Variants in CDH8 observed in about 807,000 individuals in gnomAD.
The protein encoded by CDH8 is cadherin-8.
CDH8 carries 17 observed loss-of-function variants against 68.1 expected under a neutral mutation model. That is an observed-to-expected ratio of 0.25 (90% CI 0.17 to 0.37). The LOEUF (loss-of-function observed/expected upper bound fraction) is 0.37, where lower values mean the gene tolerates loss of function less well. CDH8 is among the 10% of genes least tolerant of loss of function. The probability of loss-of-function intolerance (pLI) is 1.00; values close to 1 mark genes in which losing one functional copy is unlikely to be tolerated. For missense variants in CDH8, 763 were observed against 999.3 expected, an observed-to-expected ratio of 0.76 and a Z score of 3.19; for synonymous variants, 372 against 365.1, an observed-to-expected ratio of 1.02 and a Z score of -0.21.
intron 3 of CDH8, among the ~76,000 whole-genome samples, chr16:61,899,892 T>C (rs1369689660): frequency 6.8e-6 from 1 of 148,046 alleles, no homozygotes; most frequent in Non-Finnish European, 1.5e-5. Context: ...ATTGCTAAAT[T>C]AAAATATCAG....
At chr16:61,966,423 A>G (rs986090682) in intron 2 of CDH8, among the ~76,000 whole-genome samples, 1 of 152,140 alleles carries the variant, frequency 6.6e-6, no homozygotes, top group African/African-American at 2.4e-5. Flanking sequence ...CTGTAGTCCC[A>G]GCTACTTGGG....
intron 2 of CDH8, among the ~76,000 whole-genome samples, chr16:61,901,943 G>T (rs1165224579): frequency 6.6e-6 from 1 of 151,848 alleles, no homozygotes; most frequent in Non-Finnish European, 1.5e-5. Flanking sequence ...GCTGAACGAG[G>T]CACATATTTA....
chr16:62,014,159 T>C (rs149804711), intron 2 of CDH8, among the ~76,000 whole-genome samples: 3 of 152,318 alleles, frequency 2.0e-5, no homozygotes, highest in African/African-American at 4.8e-5. Flanking sequence ...AAATCCTCCA[T>C]GTGCATGTGT....
chr16:61,707,937 A>C (rs778695746), intron 10 of CDH8, among the ~76,000 whole-genome samples: 8 of 152,200 alleles, frequency 5.3e-5, no homozygotes, highest in Non-Finnish European at 5.9e-5. Flanking sequence ...TTAATGAAAC[A>C]AACAACAAAG....
At chr16:61,726,828 C>A (rs966993515) in intron 9 of CDH8, 1 of 482,906 alleles carries the variant, frequency 2.1e-6, no homozygotes, top group Non-Finnish European at 3.6e-6. Flanking sequence ...TCATCCATAT[C>A]CCAAGATATT....
At chr16:61,704,372 A>C (rs1964492210) in intron 10 of CDH8, among the ~76,000 whole-genome samples, 1 of 152,192 alleles carries the variant, frequency 6.6e-6, no homozygotes, top group South Asian at 2.1e-4. Context: ...ATTTTATGAA[A>C]ATGATTTAAT....
intron 10 of CDH8, among the ~76,000 whole-genome samples, chr16:61,682,193 T>C (rs963590101): frequency 6.6e-6 from 1 of 151,966 alleles, no homozygotes; most frequent in African/African-American, 2.4e-5. Context: ...TTATAATAAG[T>C]CATTGAAGAT....
At chr16:61,697,340 T>C (rs1173257180) in intron 10 of CDH8, among the ~76,000 whole-genome samples, 1 of 152,106 alleles carries the variant, frequency 6.6e-6, no homozygotes, top group African/African-American at 2.4e-5. Context: ...GTCACCCTTA[T>C]GCAGACAGAG....
At chr16:62,014,904 GT>G (rs963736836) in intron 2 of CDH8, among the ~76,000 whole-genome samples, 85 of 149,158 alleles carry the variant, frequency 5.7e-4, no homozygotes, top group East Asian at 1.4e-3. Flanking sequence ...GAGCAGACTG[GT>G]TTTTTTTTTC....
intron 7 of CDH8, among the ~76,000 whole-genome samples, chr16:61,813,696 C>A (rs905471423): frequency 6.6e-6 from 1 of 151,876 alleles, no homozygotes; most frequent in African/African-American, 2.4e-5. Flanking sequence ...CCCTTTTTGC[C>A]CAATAAAATC....
intron 2 of CDH8, among the ~76,000 whole-genome samples, chr16:61,932,682 C>A (rs750752552): frequency 6.6e-6 from 1 of 152,124 alleles, no homozygotes; most frequent in Non-Finnish European, 1.5e-5. Context: ...AGAGTGAATA[C>A]GTCAGAGTTG....
At chr16:61,752,235 G>A (rs1302810960) in intron 8 of CDH8, among the ~76,000 whole-genome samples, 1 of 152,148 alleles carries the variant, frequency 6.6e-6, no homozygotes, top group Non-Finnish European at 1.5e-5. Context: ...ACAATAGCAA[G>A]GGATGCATAT....
chr16:61,954,961 G>C (rs1024352906), intron 2 of CDH8, among the ~76,000 whole-genome samples: 4 of 152,134 alleles, frequency 2.6e-5, no homozygotes, highest in Non-Finnish European at 2.9e-5. Flanking sequence ...TTATTTCATT[G>C]TATTTCAGCA....
chr16:61,691,367 T>C lies in CDH8; in HGVS notation c.1654+22474A>G, dbSNP rs117135564. ...TGCATACATGTGCATTATCTTTTTT[T>C]TTTTCCTCAGTTTGTTTTCTTGCAT... On this transcript the variant is annotated intron_variant, in intron 10 of 11. Coordinates refer to ENST00000577390, the MANE Select transcript of CDH8 (RefSeq NM_001796.5). Among the ~76,000 whole-genome samples the C allele has an allele frequency of 9.3e-3, 1,410 of 152,050 alleles. 9 individuals are homozygous for C. Among genetic ancestry groups the C allele is most frequent in the Middle Eastern group, 0.02 (6 of 294 alleles).
rs1255822943 is a variant in CDH8 at position 61,649,887 on chromosome 16, T to G, written c.*3721A>C. 2 of 152,154 alleles carry G rather than the reference T, an allele frequency of 1.3e-5. No homozygotes were observed. Among genetic ancestry groups the G allele is most frequent in the Non-Finnish European group, 2.9e-5 (2 of 68,016 alleles). The allele number at this position is 152,154 out of a possible 1,614,324, so 9.4% of individuals were successfully genotyped here. ...AATCCAGCTGCTCCTAGGAGATTTC[T>G]AAGTCTCATGCAGAGACTTGTCTTA... On this transcript the variant is annotated 3_prime_UTR_variant, in exon 12 of 12. Transcript: ENST00000577390.
chr16:61,872,849 A>AACAAC (rs1352193890), intron 3 of CDH8, among the ~76,000 whole-genome samples: 3 of 152,312 alleles, frequency 2.0e-5, no homozygotes, highest in Non-Finnish European at 2.9e-5. Flanking sequence ...ACACCTCTTT[A>AACAAC]ACAACACAAC....
chr16:61,782,578 G>A, intron 8 of CDH8, among the ~76,000 whole-genome samples: 1 of 151,790 alleles, frequency 6.6e-6, no homozygotes, highest in South Asian at 2.1e-4. Flanking sequence ...GAACTGGGTG[G>A]AGCCCACCAC....
chr16:61,719,712 A>T (rs1198593483), intron 9 of CDH8, among the ~76,000 whole-genome samples: 12 of 150,936 alleles, frequency 8.0e-5, no homozygotes, highest in Non-Finnish European at 3.0e-5. Context: ...CCTCCTTAAG[A>T]TTATAAACAG....
intron 3 of CDH8, among the ~76,000 whole-genome samples, chr16:61,888,820 A>G (rs1250124705): frequency 6.6e-6 from 1 of 152,156 alleles, no homozygotes; most frequent in African/African-American, 2.4e-5. Context: ...TTACTTTGTG[A>G]ACGTCCTCCC....
Sources: gnomAD v4.1 joint callset for allele counts (sites outside exome capture counted in the v4.1 genomes callset) on GRCh38, gnomAD v4.1.1 for gene constraint, MANE v1.5 for transcripts, NCBI Gene and HGNC (gene_info 2026-07-23, HGNC 2026-07-21) for gene names.